STRIP2: variants seen among roughly 807,000 people sequenced by gnomAD.
STRIP2 encodes striatin-interacting protein 2.
A neutral mutation model predicts 107.1 loss-of-function variants in STRIP2; 84 were observed. The ratio of observed to expected loss-of-function variants is 0.78; its 90% CI spans 0.66 to 0.94. The LOEUF is 0.94. Ranked by LOEUF, STRIP2 falls within the 40% of genes least tolerant of loss-of-function variation. The probability of loss-of-function intolerance (pLI) is 0.00; values close to 1 mark genes in which losing one functional copy is unlikely to be tolerated. For synonymous variants in STRIP2, 394 were observed against 400.4 expected (o/e 0.98, Z 0.19); for missense variants, 888 against 1,034.2 (o/e 0.86, Z 1.94).
In STRIP2 at chr7:129,456,656, C is replaced by G; in HGVS notation, c.1038+14C>G. Reference sequence around the variant, plus strand: ...GGCTCTCGAAGGGTATGGACTGAAGCAGACAATGGTATTGGGACACCGACT... The same window carrying G: ...GGCTCTCGAAGGGTATGGACTGAAGGAGACAATGGTATTGGGACACCGACT... On this transcript the variant is annotated intron_variant, in intron 9 of 20. Transcript: ENST00000249344. The G allele has an allele frequency of 6.2e-7, 1 of 1,610,504 alleles. No homozygotes were observed. Among genetic ancestry groups the G allele is most frequent in the African/African-American group, 1.3e-5 (1 of 74,922 alleles).
chr7:129,458,863 T>C lies in STRIP2; in HGVS notation c.1340+86T>C. On this transcript the variant is annotated intron_variant, in intron 11 of 20. Coordinates refer to ENST00000249344, the MANE Select transcript of STRIP2 (RefSeq NM_020704.3). The surrounding 1 kb of genome is among the most constrained non-coding windows in gnomAD (Gnocchi z 4.6). ...GTAGCTTGGAATGAGGGATGGTGCC[T>C]GGTGGTCATAATGTAACCTAGAGCC... 7.5e-7 allele frequency: 1 copy of C among 1,327,992 alleles called. No individual in the cohort carries two copies. The highest frequency in any genetic ancestry group is 1.1e-6 in the Non-Finnish European group (1 of 923,202). The allele number at this position is 1,327,992 out of a possible 1,614,324, so 82.3% of individuals were successfully genotyped here. A position where few individuals can be genotyped will look rare whatever the true frequency, so the allele number is the denominator to read the frequency against.
intron 18 of STRIP2, 151 bp downstream of exon 18, chr7:129,470,866 G>T: frequency 3.0e-6 from 2 of 666,384 alleles, no homozygotes; most frequent in East Asian, 5.6e-5. Context: ...TGCAGCAGGG[G>T]TTTAGAGTTG....
At chr7:129,476,923 G>A (rs1357075498) in intron 18 of STRIP2, among the ~76,000 whole-genome samples, 2 of 151,662 alleles carry the variant, frequency 1.3e-5, no homozygotes, top group African/African-American at 4.8e-5. Context: ...CTGCAATCCC[G>A]GCACCTCGGG....
chr7:129,471,682 G>C (rs1798791768), intron 18 of STRIP2, among the ~76,000 whole-genome samples: 1 of 152,146 alleles, frequency 6.6e-6, no homozygotes, highest in South Asian at 2.1e-4. Context: ...AGAGCCATTT[G>C]ATCCAACCCC....
chr7:129,462,954 T>G lies in STRIP2; in HGVS notation c.1477-12T>G. The G allele has an allele frequency of 6.2e-7, 1 of 1,613,008 alleles. No individual in the cohort carries two copies. Among genetic ancestry groups the G allele is most frequent in the Non-Finnish European group, 8.5e-7 (1 of 1,179,248 alleles). ...AAAGTGGCATTGCCAAACCATGTAT[T>G]TCTTGCCATAGGGGGAAGAGGTGGT... On this transcript the variant is annotated splice_polypyrimidine_tract_variant and intron_variant, in intron 13 of 20. Coordinates refer to ENST00000249344, the MANE Select transcript of STRIP2 (RefSeq NM_020704.3).
At chr7:129,443,035 T>C (rs1279902072) in intron 2 of STRIP2, among the ~76,000 whole-genome samples, 1 of 145,056 alleles carries the variant, frequency 6.9e-6, no homozygotes, top group Non-Finnish European at 1.5e-5. Context: ...CTTTTCTTCT[T>C]TCTTTCTTTT....
intron 2 of STRIP2, among the ~76,000 whole-genome samples, chr7:129,440,547 C>G (rs575818624): frequency 6.6e-6 from 1 of 152,266 alleles, no homozygotes; most frequent in African/African-American, 2.4e-5. Flanking sequence ...CGCAACTGCC[C>G]CTTATTAAAA....
chr7:129,487,680 T>C lies in STRIP2; in HGVS notation c.*1851T>C, dbSNP rs985302946. On this transcript the variant is annotated 3_prime_UTR_variant, in exon 21 of 21. Transcript: ENST00000249344. Reference sequence around the variant, plus strand: ...AGTCCTTACTGCAATCAAAATAATTTACTGAGCACAACTCCTGTAAATTAA... The same window carrying C: ...AGTCCTTACTGCAATCAAAATAATTCACTGAGCACAACTCCTGTAAATTAA... 6.6e-6 allele frequency: 1 copy of C among 152,222 alleles called. No individual in the cohort carries two copies. Among genetic ancestry groups the C allele is most frequent in the African/African-American group, 2.4e-5 (1 of 41,462 alleles). 9.4% of individuals were successfully genotyped at this position (152,222 alleles called of 1,614,324 possible).
intron 12 of STRIP2, 81 bp downstream of exon 12, chr7:129,459,661 G>A (rs1440274350): frequency 2.5e-6 from 3 of 1,216,946 alleles, no homozygotes; most frequent in Admixed American, 3.5e-5. Context: ...GATACTGGGT[G>A]GGGCTTTTAT....
At chr7:129,438,863 AC>A (rs1797823356) in intron 1 of STRIP2, among the ~76,000 whole-genome samples, 1 of 152,222 alleles carries the variant, frequency 6.6e-6, no homozygotes, top group African/African-American at 2.4e-5. Flanking sequence ...TGACTCAGAA[AC>A]AGCTAAATGG....
rs113807755 is a variant in STRIP2, at chr7:129,458,522, T to C, written c.1274+72T>C. On this transcript the variant is annotated intron_variant, in intron 10 of 20. Transcript: ENST00000249344. The surrounding 1 kb of genome is among the most constrained non-coding windows in gnomAD (Gnocchi z 4.6). ...TCCAAAGGCCCAAGATGGGGTAGTC[T>C]ATGTATTCAAGGCTCGTTAAGTTGG... 1.1e-3 allele frequency: 1,544 copies of C among 1,362,800 alleles called. 15 individuals carry two copies. In the African/African-American group the frequency reaches 0.02, roughly 18 times the overall value. 84.4% of individuals were successfully genotyped at this position (1,362,800 alleles called of 1,614,324 possible).
intron 16 of STRIP2, among the ~76,000 whole-genome samples, chr7:129,465,194 T>G (rs998806386): frequency 6.6e-6 from 1 of 152,254 alleles, no homozygotes; most frequent in South Asian, 2.1e-4. Flanking sequence ...GATATATAAG[T>G]AGCCAATTAT....
intron 18 of STRIP2, 88 bp from the exon 19 acceptor site, chr7:129,480,697 C>T: frequency 6.3e-6 from 7 of 1,111,186 alleles, no homozygotes; most frequent in Non-Finnish European, 9.2e-6. Context: ...GAAGGCCTCA[C>T]CTAAACTGAC....
chr7:129,452,621 G>A lies in STRIP2; in HGVS notation c.410-606G>A, dbSNP rs768629243. Among the ~76,000 whole-genome samples, 8 of 152,240 alleles carry A rather than the reference G, an allele frequency of 5.3e-5. No homozygotes were observed. In the East Asian group the frequency reaches 1.2e-3, roughly 22 times the overall value. On this transcript the variant is annotated intron_variant, in intron 4 of 20. Transcript: ENST00000249344. Reference sequence around the variant, plus strand: ...TGGCTGGTCTTGAACTCATAGGCTCGAGCTATCCTCCTGCTCCAGCCTCCT... The same window carrying A: ...TGGCTGGTCTTGAACTCATAGGCTCAAGCTATCCTCCTGCTCCAGCCTCCT...
intron 17 of STRIP2, among the ~76,000 whole-genome samples, chr7:129,470,151 T>C (rs973397633): frequency 6.6e-6 from 1 of 152,202 alleles, no homozygotes; most frequent in Non-Finnish European, 1.5e-5. Flanking sequence ...TGCCCCTGTC[T>C]CAAGCTTCCT....
chr7:129,480,684 C>A, intron 18 of STRIP2, 101 bp from the exon 19 acceptor site: 2 of 855,600 alleles, frequency 2.3e-6, no homozygotes, highest in Non-Finnish European at 3.7e-6. Context: ...TTATTTCATA[C>A]AGGAAGGCCT....
At position 129,434,461 on chromosome 7, in the gene STRIP2, C is replaced by A; in HGVS notation, c.-12C>A. On this transcript the variant is annotated 5_prime_UTR_variant, in exon 1 of 21. The change creates a new upstream start codon in the 5' untranslated region. Transcript: ENST00000249344. ...GCGAGCTGAACCCTGAGGGGAGCCGCTGACCAGCAGCATGGAGGACCCCGC... is the reference window on the plus strand; with the variant it reads ...GCGAGCTGAACCCTGAGGGGAGCCGATGACCAGCAGCATGGAGGACCCCGC... 5 of 1,503,942 alleles carry A rather than the reference C, an allele frequency of 3.3e-6. No homozygotes were observed. The highest frequency in any genetic ancestry group is 4.4e-6 in the Non-Finnish European group (5 of 1,133,022). The allele number at this position is 1,503,942 out of a possible 1,614,324, so 93.2% of individuals were successfully genotyped here. A position where few individuals can be genotyped will look rare whatever the true frequency, so the allele number is the denominator to read the frequency against.
At chr7:129,479,051 G>T (rs935109388) in intron 18 of STRIP2, among the ~76,000 whole-genome samples, 1 of 152,132 alleles carries the variant, frequency 6.6e-6, no homozygotes, top group East Asian at 1.9e-4. Flanking sequence ...GAGGGAGGTG[G>T]ATCACCTGAG....
chr7:129,470,594 C>A, intron 17 of STRIP2, 55 bp from the exon 18 acceptor site: 1 of 1,422,494 alleles, frequency 7.0e-7, no homozygotes, highest in Non-Finnish European at 9.9e-7. Context: ...CAGATACAGC[C>A]AATTCCTGCT....
Sources: gnomAD v4.1 joint callset for allele counts (sites outside exome capture counted in the v4.1 genomes callset) on GRCh38, gnomAD v4.1.1 for gene constraint, Gnocchi (gnomAD v3.1) non-coding constraint, MANE v1.5 for transcripts, NCBI Gene and HGNC (gene_info 2026-07-23, HGNC 2026-07-21) for gene names.